The following CREB5 variants were observed in gnomAD, a reference collection of about 807,000 sequenced individuals.
The protein encoded by CREB5 is cAMP responsive element binding protein 5, also known as cyclic AMP-responsive element-binding protein 5.
A neutral mutation model predicts 57.1 loss-of-function variants in CREB5; 19 were observed. The observed-to-expected ratio is 0.33, with a 90% confidence interval of 0.23 to 0.49. CREB5 has a LOEUF of 0.49. CREB5 is among the 20% of genes least tolerant of loss of function. The pLI is 0.99. For synonymous variants in CREB5, 238 were observed against 238.3 expected (o/e 1.00, Z 0.01); for missense variants, 579 against 671.6 (o/e 0.86, Z 1.52).
intron 1 of CREB5, among the ~76,000 whole-genome samples, chr7:28,350,252 C>T (rs886656357): frequency 2.6e-5 from 4 of 152,328 alleles, no homozygotes; most frequent in African/African-American, 7.2e-5. Flanking sequence ...CACCCTCCAA[C>T]GTGTTCCATC....
intron 4 of CREB5, among the ~76,000 whole-genome samples, chr7:28,562,578 T>A (rs1323167921): frequency 6.6e-6 from 1 of 152,198 alleles, no homozygotes; most frequent in Non-Finnish European, 1.5e-5. Context: ...GTGAGGGGGC[T>A]AAGGCCACTG....
intron 5 of CREB5, among the ~76,000 whole-genome samples, chr7:28,655,688 T>C (rs1304114961): frequency 6.6e-6 from 1 of 152,194 alleles, no homozygotes; most frequent in Non-Finnish European, 1.5e-5. Context: ...CATTTAAAAA[T>C]GGTTAAGATG....
chr7:28,465,269 T>C (rs941461858), intron 1 of CREB5, among the ~76,000 whole-genome samples: 1 of 152,174 alleles, frequency 6.6e-6, no homozygotes, highest in African/African-American at 2.4e-5. Context: ...TCTAGGCTTG[T>C]GCTAGGAGCT....
intron 1 of CREB5, among the ~76,000 whole-genome samples, chr7:28,364,480 T>A (rs1786549319): frequency 6.6e-6 from 1 of 152,218 alleles, no homozygotes; most frequent in Non-Finnish European, 1.5e-5. Context: ...GACTTTAGAA[T>A]GCACTGAGAG....
At chr7:28,524,403 G>A (rs1386979793) in intron 4 of CREB5, among the ~76,000 whole-genome samples, 1 of 151,540 alleles carries the variant, frequency 6.6e-6, no homozygotes, top group African/African-American at 2.4e-5. Context: ...TAATCAGGAG[G>A]CTGAGGCAGG....
intron 5 of CREB5, among the ~76,000 whole-genome samples, chr7:28,650,867 T>C (rs1373908989): frequency 1.3e-5 from 2 of 152,170 alleles, no homozygotes; most frequent in African/African-American, 2.4e-5. Flanking sequence ...TATTGGACAT[T>C]GGCATATTGG....
chr7:28,465,823 A>G (rs764467493), intron 1 of CREB5, among the ~76,000 whole-genome samples: 10 of 152,172 alleles, frequency 6.6e-5, no homozygotes, highest in Non-Finnish European at 1.5e-4. Flanking sequence ...AATCTTTCGC[A>G]TGAGTGTCCA....
intron 7 of CREB5, among the ~76,000 whole-genome samples, chr7:28,762,177 T>C (rs1044022892): frequency 1.3e-5 from 2 of 152,212 alleles, no homozygotes; most frequent in African/African-American, 4.8e-5. Flanking sequence ...TTACCACATC[T>C]GGCATAAACT....
chr7:28,353,058 CCT>C (rs1339567735), intron 1 of CREB5, among the ~76,000 whole-genome samples: 1 of 151,960 alleles, frequency 6.6e-6, no homozygotes, highest in African/African-American at 2.4e-5. Context: ...CTTAGAAGTG[CCT>C]CTTTTTCTTT....
At chr7:28,409,837 C>G, upstream of CREB5, 1 of 452,578 alleles carries the variant, frequency 2.2e-6, no homozygotes, top group South Asian at 1.6e-5. This position sits in a 1 kb window ranked among gnomAD's most constrained non-coding sequence, Gnocchi z 4.4. Context: ...TGTGTGGGAG[C>G]GCGCGAGTCC....
chr7:28,581,457 G>A (rs763965668), intron 5 of CREB5, among the ~76,000 whole-genome samples: 1 of 152,120 alleles, frequency 6.6e-6, no homozygotes, highest in Non-Finnish European at 1.5e-5. Context: ...TATTTTTCCC[G>A]TAGACTTGGT....
At chr7:28,546,591 T>G (rs1794433421) in intron 4 of CREB5, among the ~76,000 whole-genome samples, 1 of 152,224 alleles carries the variant, frequency 6.6e-6, no homozygotes, top group South Asian at 2.1e-4. Flanking sequence ...CAAGACCTGC[T>G]CGTATGAGAG....
chr7:28,557,210 C>T (rs1367418501), intron 4 of CREB5, among the ~76,000 whole-genome samples: 1 of 128,416 alleles, frequency 7.8e-6, no homozygotes, highest in East Asian at 1.9e-4. Context: ...CTTTTATATG[C>T]AGTCTTCTCA....
At chr7:28,524,496 T>TTTGAGACTCTTTGAGACAGA (rs1793351904) in intron 4 of CREB5, among the ~76,000 whole-genome samples, 1 of 152,070 alleles carries the variant, frequency 6.6e-6, no homozygotes, top group Non-Finnish European at 1.5e-5. Flanking sequence ...AGCGAGACTC[T>TTTGAGACTCTTTGAGACAGA]GTCTCAAAGA....
rs544063038 is a variant in CREB5 at position 28,763,104 on chromosome 7, G to A, written c.702+38772G>A. 2.0e-5 allele frequency among the ~76,000 whole-genome samples: 3 copies of A among 152,216 alleles called. No individual in the cohort carries two copies. In the South Asian group the frequency reaches 6.2e-4, roughly 32 times the overall value. On this transcript the variant is annotated intron_variant, in intron 7 of 10. Transcript: ENST00000357727. Reference sequence around the variant, plus strand: ...ACTTGTGCATCTTGTTGGTTCCAGGGCATCTTGAGGGTGATCAGATCAGAA... The same window carrying A: ...ACTTGTGCATCTTGTTGGTTCCAGGACATCTTGAGGGTGATCAGATCAGAA...
chr7:28,493,560 T>G (rs1260897523), intron 2 of CREB5, among the ~76,000 whole-genome samples: 2 of 152,210 alleles, frequency 1.3e-5, no homozygotes, highest in African/African-American at 4.8e-5. Context: ...CCAATATTGC[T>G]AGTTGCCATG....
At chr7:28,432,887 CTA>C (rs1788783718) in intron 1 of CREB5, among the ~76,000 whole-genome samples, 1 of 152,138 alleles carries the variant, frequency 6.6e-6, no homozygotes, top group African/African-American at 2.4e-5. Context: ...TTCATATAAT[CTA>C]TGTCTTCATC....
chr7:28,802,129 C>G (rs1175128814), intron 7 of CREB5, among the ~76,000 whole-genome samples: 2 of 140,798 alleles, frequency 1.4e-5, no homozygotes, highest in Non-Finnish European at 3.0e-5. Flanking sequence ...TACCCAGCAT[C>G]TAATCTTTCC....
At chr7:28,593,334 C>G (rs1317403237) in intron 5 of CREB5, among the ~76,000 whole-genome samples, 1 of 152,114 alleles carries the variant, frequency 6.6e-6, no homozygotes. Context: ...CTATAACCTC[C>G]ACCTCCTGGG....
Sources: gnomAD v4.1 joint callset for allele counts (sites outside exome capture counted in the v4.1 genomes callset) on GRCh38, gnomAD v4.1.1 for gene constraint, Gnocchi (gnomAD v3.1) non-coding constraint, MANE v1.5 for transcripts, NCBI Gene and HGNC (gene_info 2026-07-23, HGNC 2026-07-21) for gene names.